The following ALMS1 variants were observed in gnomAD, a reference collection of about 807,000 sequenced individuals.
ALMS1 encodes centrosome-associated protein ALMS1.
In ALMS1, 271 loss-of-function variants were observed where a neutral mutation model predicts 352.2. The ratio of observed to expected loss-of-function variants is 0.77; its 90% confidence interval spans 0.70 to 0.85. The LOEUF is 0.85. Ranked by LOEUF, ALMS1 falls within the 40% of genes least tolerant of loss-of-function variation. The probability of loss-of-function intolerance (pLI) is 0.00; values close to 1 mark genes in which losing one functional copy is unlikely to be tolerated. For synonymous variants in ALMS1, 1,865 were observed against 1,761.2 expected, an observed-to-expected ratio of 1.06 and a Z score of -1.48; for missense variants, 5,445 against 4,870.7, an observed-to-expected ratio of 1.12 and a Z score of -3.51.
intron 11 of ALMS1, 27 bp from the exon 12 acceptor site, chr2:73,534,797 T>C (rs1165800024): frequency 1.2e-6 from 2 of 1,609,432 alleles, no homozygotes; most frequent in Non-Finnish European, 1.7e-6. Flanking sequence ...TTTTTCATAT[T>C]AATTGTTCTG....
chr2:73,557,912 C>T (rs1039747949), intron 14 of ALMS1, among the ~76,000 whole-genome samples: 7 of 152,148 alleles, frequency 4.6e-5, no homozygotes, highest in Non-Finnish European at 8.8e-5. Flanking sequence ...GGTAAGCATC[C>T]AGAGTTGACC....
chr2:73,449,091 C>G lies in ALMS1; in HGVS notation c.2564C>G (p.Ser855Cys), dbSNP rs1205429743. Residue 855 changes from serine (S) to cysteine (C), a missense_variant, in exon 8 of 23, where the codon TCT (serine) becomes TGT (cysteine). By Grantham distance (112) the Ser-to-Cys change is moderately radical (BLOSUM62 -1). Transcript: ENST00000613296. ...AAGACTGGGACACCAGCTGTAACCT[C>G]TACTTCCTCTGCGTCCTCTTCACTT... ...DGKTGTPAVTSTSSASSSLGE... is the reference protein window; with the variant it reads ...DGKTGTPAVTCTSSASSSLGE... The G allele has an allele frequency of 6.2e-7, 1 of 1,614,012 alleles. No homozygotes were observed. The highest frequency in any genetic ancestry group is 8.5e-7 in the Non-Finnish European group (1 of 1,180,010).
In ALMS1 at chr2:73,489,568, A is replaced by T. The variant is rs75510346; in HGVS notation, c.7675-66A>T. 2.0e-3 allele frequency: 3,236 copies of T among 1,582,172 alleles called. 57 individuals carry two copies. The African/African-American group carries it at 0.037, about 18-fold the overall frequency. ...GCGTGGGTATAAAACTGATTTGTATAAAACTGATTTGTTTATAACTACTTG... is the reference window on the plus strand; with the variant it reads ...GCGTGGGTATAAAACTGATTTGTATTAAACTGATTTGTTTATAACTACTTG... On this transcript the variant is annotated intron_variant, in intron 9 of 22. Coordinates refer to ENST00000613296, the MANE Select transcript of ALMS1 (RefSeq NM_001378454.1).
chr2:73,568,293 G>C (rs1364578098), intron 15 of ALMS1, among the ~76,000 whole-genome samples: 1 of 152,152 alleles, frequency 6.6e-6, no homozygotes, highest in Non-Finnish European at 1.5e-5. Flanking sequence ...TTTTGAAAGT[G>C]TGGAACAATT....
chr2:73,400,096 C>A (rs148687700), intron 1 of ALMS1, among the ~76,000 whole-genome samples: 36 of 152,102 alleles, frequency 2.4e-4, no homozygotes, highest in Admixed American at 8.5e-4. Context: ...TGCCACCATA[C>A]CAGGCTAATT....
intron 9 of ALMS1, among the ~76,000 whole-genome samples, chr2:73,463,800 A>G (rs1445293908): frequency 1.4e-5 from 2 of 146,670 alleles, no homozygotes; most frequent in African/African-American, 2.5e-5. Flanking sequence ...AACTACCATC[A>G]GAGAATACTA....
rs1212958211 is a variant in ALMS1 at position 73,451,780 on chromosome 2, A to G, written c.5253A>G (p.Leu1751=). The G allele has an allele frequency of 5.0e-6, 8 of 1,614,040 alleles. No individual in the cohort carries two copies. The highest frequency in any genetic ancestry group is 4.0e-5 in the African/African-American group (3 of 74,928). ...AACCAGCTGACCAGAAGACTGGGTT[A>G]TCTACTGTAACTTCCTCTTTCTATT... ...VPQPADQKTG[L]STVTSSFYSH... Residue 1751 remains leucine (L), a synonymous_variant, in exon 8 of 23, where the codon TTA becomes TTG. Coordinates refer to ENST00000613296, the MANE Select transcript of ALMS1 (RefSeq NM_001378454.1).
intron 9 of ALMS1, among the ~76,000 whole-genome samples, chr2:73,486,541 T>C (rs565189963): frequency 2.0e-5 from 3 of 152,362 alleles, no homozygotes; most frequent in African/African-American, 7.2e-5. Context: ...GTTTTTTGTC[T>C]GTGTCCATTG....
intron 10 of ALMS1, among the ~76,000 whole-genome samples, chr2:73,511,117 C>T (rs1342178341): frequency 6.6e-6 from 1 of 152,200 alleles, no homozygotes; most frequent in Admixed American, 6.5e-5. Context: ...TCTTAGCTTG[C>T]TGGACTCCTT....
intron 2 of ALMS1, among the ~76,000 whole-genome samples, chr2:73,411,376 C>T (rs1671072443): frequency 6.6e-6 from 1 of 152,102 alleles, no homozygotes; most frequent in Admixed American, 6.5e-5. Context: ...AGACTTCTGG[C>T]CTCCAGAACT....
Position 73,600,725 on chromosome 2 carries a change from G to A in ALMS1, c.11716G>A (p.Gly3906Arg). The change falls in exon 18 of 23, where the codon GGG becomes AGG. Residue 3906 changes from glycine to arginine, a missense_variant. Gly to Arg is a moderately radical substitution (Grantham distance 125). Coordinates refer to ENST00000613296, the MANE Select transcript of ALMS1 (RefSeq NM_001378454.1). ...TGCCAAAAAACACACTCGAGATGTT[G>A]GGATAACTTTCCCAACTCCAAGTTC... ...NGAKKHTRDV[G>R]ITFPTPSSSE... 1 of 1,614,134 alleles carries A rather than the reference G, an allele frequency of 6.2e-7. No homozygotes were observed. The highest frequency in any genetic ancestry group is 8.5e-7 in the Non-Finnish European group (1 of 1,180,018).
intron 1 of ALMS1, among the ~76,000 whole-genome samples, chr2:73,404,214 T>C (rs1670928385): frequency 1.3e-5 from 2 of 152,218 alleles, no homozygotes; most frequent in Non-Finnish European, 2.9e-5. Context: ...ATTCTAACAG[T>C]GTCGATTTTA....
chr2:73,521,796 G>A (rs1425783679), intron 11 of ALMS1, among the ~76,000 whole-genome samples: 4 of 151,828 alleles, frequency 2.6e-5, no homozygotes, highest in African/African-American at 4.8e-5. Context: ...GTCATCAAAC[G>A]GATCAATTTA....
At chr2:73,420,783 T>G (rs1671267770) in intron 3 of ALMS1, among the ~76,000 whole-genome samples, 1 of 152,218 alleles carries the variant, frequency 6.6e-6, no homozygotes, top group Non-Finnish European at 1.5e-5. Flanking sequence ...TGGAGTAGAT[T>G]CCTGGATCTC....
intron 16 of ALMS1, among the ~76,000 whole-genome samples, chr2:73,574,546 A>T (rs1388991159): frequency 6.6e-6 from 1 of 152,172 alleles, no homozygotes; most frequent in Non-Finnish European, 1.5e-5. Context: ...ATTGGAGACC[A>T]CTGGTCTAGA....
chr2:73,529,955 A>G (rs1015177456), intron 11 of ALMS1, among the ~76,000 whole-genome samples: 37 of 152,232 alleles, frequency 2.4e-4, no homozygotes, highest in African/African-American at 8.7e-4. Flanking sequence ...AGCATGAGAG[A>G]AACTGCCCCC....
At chr2:73,484,562 C>G (rs896407447) in intron 9 of ALMS1, among the ~76,000 whole-genome samples, 6 of 151,216 alleles carry the variant, frequency 4.0e-5, no homozygotes, top group Admixed American at 6.6e-5. Flanking sequence ...CTTGGAGTTG[C>G]TCTTCTCGAG....
In ALMS1 at chr2:73,386,003, G is replaced by T. The variant is rs765418565; in HGVS notation, c.135G>T (p.Glu45Asp). Residue 45 changes from glutamate (E) to aspartate (D), a missense_variant, in exon 1 of 23, where the codon GAG (glutamate) becomes GAT (aspartate). Glu to Asp is a conservative substitution (Grantham distance 45). Coordinates refer to ENST00000613296, the MANE Select transcript of ALMS1 (RefSeq NM_001378454.1). ...TGGACGACGTAGTGGTCGTGGAGGA[G>T]GTGGAGGAAGAGGCGGGGCGGGAGT... ...ANVDDVVVVEEVEEEAGRELD... is the reference protein window; with the variant it reads ...ANVDDVVVVEDVEEEAGRELD... The T allele has an allele frequency of 8.3e-6, 13 of 1,559,470 alleles. No individual in the cohort carries two copies. Among genetic ancestry groups the T allele is most frequent in the Non-Finnish European group, 9.5e-6 (11 of 1,152,646 alleles).
intron 6 of ALMS1, among the ~76,000 whole-genome samples, chr2:73,431,726 A>G (rs974582839): frequency 6.6e-6 from 1 of 152,274 alleles, no homozygotes; most frequent in South Asian, 2.1e-4. Flanking sequence ...TCTTCTAAAC[A>G]TTTGTGAGTT....
Sources: gnomAD v4.1 joint callset for allele counts (sites outside exome capture counted in the v4.1 genomes callset) on GRCh38, gnomAD v4.1.1 for gene constraint, MANE v1.5 for transcripts, NCBI Gene and HGNC (gene_info 2026-07-23, HGNC 2026-07-21) for gene names.